The following TENM4 variants were observed in gnomAD, a reference collection of about 807,000 sequenced individuals.
TENM4 encodes teneurin transmembrane protein 4, also known as teneurin-4.
Under a neutral mutation model 243.3 loss-of-function variants are expected in TENM4, and 82 were observed. The ratio of observed to expected loss-of-function variants is 0.34; its 90% CI spans 0.28 to 0.40. The LOEUF (loss-of-function observed/expected upper bound fraction) is 0.40, where lower values mean the gene tolerates loss of function less well. Ranked by LOEUF, TENM4 falls within the 10% of genes least tolerant of loss-of-function variation. The probability of loss-of-function intolerance (pLI) is 1.00; values close to 1 mark genes in which losing one functional copy is unlikely to be tolerated. For synonymous variants in TENM4, 1,412 were observed against 1,456.3 expected, an observed-to-expected ratio of 0.97 and a Z score of 0.69; for missense variants, 3,138 against 3,673.3, an observed-to-expected ratio of 0.85 and a Z score of 3.77.
chr11:78,798,179 G>A (rs373496957), intron 15 of TENM4, among the ~76,000 whole-genome samples: 10 of 152,202 alleles, frequency 6.6e-5, no homozygotes, highest in East Asian at 3.9e-4. Flanking sequence ...ATTTTGCCTC[G>A]TAAATAAAAT....
At chr11:79,355,581 C>G (rs1198433876) in intron 1 of TENM4, among the ~76,000 whole-genome samples, 2 of 152,218 alleles carry the variant, frequency 1.3e-5, no homozygotes, top group Non-Finnish European at 2.9e-5. Context: ...TTCTCTGGAA[C>G]ACACCTTCTT....
intron 1 of TENM4, among the ~76,000 whole-genome samples, chr11:79,335,779 T>A (rs1289043727): frequency 6.6e-6 from 1 of 152,124 alleles, no homozygotes. Flanking sequence ...GACTGCCAAC[T>A]CCCCCGACTG....
intron 6 of TENM4, among the ~76,000 whole-genome samples, chr11:78,928,288 A>G (rs747239087): frequency 2.6e-5 from 4 of 152,186 alleles, no homozygotes; most frequent in Non-Finnish European, 5.9e-5. Context: ...CTTGCTGGAA[A>G]GTTTTGAGAG....
At chr11:78,740,107 T>C (rs1855886988) in intron 19 of TENM4, among the ~76,000 whole-genome samples, 1 of 152,174 alleles carries the variant, frequency 6.6e-6, no homozygotes, top group African/African-American at 2.4e-5. Context: ...TCACCTCAGG[T>C]GAGAAGGCTT....
chr11:79,090,486 A>G (rs1323210756), intron 4 of TENM4, among the ~76,000 whole-genome samples: 2 of 152,322 alleles, frequency 1.3e-5, no homozygotes, highest in Admixed American at 6.5e-5. Flanking sequence ...TTGAGAAGGC[A>G]TGGCTTGCAT....
chr11:78,865,787 G>A (rs1858960286), intron 9 of TENM4, among the ~76,000 whole-genome samples: 1 of 152,196 alleles, frequency 6.6e-6, no homozygotes, highest in African/African-American at 2.4e-5. Context: ...CTGTGGTACA[G>A]GAGAAGGTGT....
chr11:78,699,401 T>TGTGA (rs1491168197), intron 28 of TENM4, among the ~76,000 whole-genome samples: 3 of 152,376 alleles, frequency 2.0e-5, no homozygotes, highest in African/African-American at 7.2e-5. Flanking sequence ...CTAATCTCTC[T>TGTGA]GTACTTCATA....
intron 6 of TENM4, among the ~76,000 whole-genome samples, chr11:78,984,689 G>C (rs900346430): frequency 6.6e-6 from 1 of 152,076 alleles, no homozygotes; most frequent in Non-Finnish European, 1.5e-5. Flanking sequence ...CTGCTGCTAC[G>C]CTACCTCTAC....
At chr11:78,983,342 C>T (rs1312265539) in intron 6 of TENM4, among the ~76,000 whole-genome samples, 2 of 152,218 alleles carry the variant, frequency 1.3e-5, no homozygotes, top group South Asian at 2.1e-4. Context: ...GTCAAACACT[C>T]TTAGTGCCTT....
intron 26 of TENM4, 112 bp downstream of exon 26, chr11:78,712,370 A>G (rs989692716): frequency 5.6e-6 from 5 of 885,638 alleles, no homozygotes; most frequent in Admixed American, 5.1e-5. Context: ...CATCCTCCAT[A>G]TATTTCTTGG....
At chr11:79,358,985 G>C in intron 1 of TENM4, among the ~76,000 whole-genome samples, 1 of 148,476 alleles carries the variant, frequency 6.7e-6, no homozygotes, top group Non-Finnish European at 1.5e-5. Context: ...ATAAATCTAT[G>C]GCTAGGCATG....
At chr11:78,926,821 A>T (rs1856563632) in intron 6 of TENM4, among the ~76,000 whole-genome samples, 1 of 152,146 alleles carries the variant, frequency 6.6e-6, no homozygotes, top group East Asian at 1.9e-4. Flanking sequence ...AATGTGGTGA[A>T]CACCAGTGAT....
chr11:79,404,271 G>A (rs1161929231), intron 1 of TENM4, among the ~76,000 whole-genome samples: 2 of 152,210 alleles, frequency 1.3e-5, no homozygotes, highest in Non-Finnish European at 2.9e-5. Context: ...TCCAAACAAG[G>A]AAGTGGGGAT....
chr11:79,427,164 C>G (rs1029255817), intron 1 of TENM4, among the ~76,000 whole-genome samples: 2 of 152,260 alleles, frequency 1.3e-5, no homozygotes, highest in Admixed American at 1.3e-4. Flanking sequence ...AAACTACTAC[C>G]AGACTAGAGG....
At chr11:79,262,515 T>G (rs894172947) in intron 2 of TENM4, among the ~76,000 whole-genome samples, 4 of 152,244 alleles carry the variant, frequency 2.6e-5, no homozygotes, top group African/African-American at 9.6e-5. Context: ...AACTGTAAAC[T>G]GCTCGTTCCA....
intron 4 of TENM4, among the ~76,000 whole-genome samples, chr11:79,125,131 G>A (rs1291423965): frequency 6.6e-6 from 1 of 151,940 alleles, no homozygotes; most frequent in Non-Finnish European, 1.5e-5. Context: ...ATAGTCCTTG[G>A]TGTGAACTGT....
intron 6 of TENM4, among the ~76,000 whole-genome samples, chr11:79,023,136 T>C (rs1323664895): frequency 2.0e-5 from 3 of 152,238 alleles, no homozygotes; most frequent in Non-Finnish European, 4.4e-5. Context: ...ATTCATCTAT[T>C]GAATGAATGT....
chr11:78,974,027 C>CATA (rs992595675), intron 6 of TENM4, among the ~76,000 whole-genome samples: 1 of 152,076 alleles, frequency 6.6e-6, no homozygotes, highest in Non-Finnish European at 1.5e-5. Context: ...ACTAGAGAAG[C>CATA]ATAACAATGA....
chr11:79,301,575 T>C (rs981534523), intron 1 of TENM4, among the ~76,000 whole-genome samples: 3 of 152,194 alleles, frequency 2.0e-5, no homozygotes, highest in African/African-American at 7.2e-5. Flanking sequence ...CTGTTTGGCA[T>C]GGTTGGTTTA....
Sources: allele counts gnomAD v4.1 joint callset (sites outside exome capture counted in the v4.1 genomes callset), GRCh38; gene constraint gnomAD v4.1.1; transcripts MANE v1.5; gene names NCBI Gene and HGNC (gene_info 2026-07-23, HGNC 2026-07-21).